Variants in ITGB8 observed in about 807,000 individuals in gnomAD.
ITGB8 encodes integrin beta-8.
Under a neutral mutation model 89.5 loss-of-function variants are expected in ITGB8, and 30 were observed. That is an observed-to-expected ratio of 0.34 (90% CI 0.25 to 0.45). The LOEUF is 0.45. Ranked by LOEUF, ITGB8 falls within the 20% of genes least tolerant of loss-of-function variation. The pLI is 1.00. For synonymous variants in ITGB8, 335 were observed against 320.4 expected (o/e 1.05, Z -0.49); for missense variants, 836 against 933.3 (o/e 0.90, Z 1.36).
intron 1 of ITGB8, among the ~76,000 whole-genome samples, chr7:20,355,649 T>G (rs1785268025): frequency 6.6e-6 from 1 of 152,164 alleles, no homozygotes; most frequent in East Asian, 1.9e-4. Context: ...GAGAAAATAG[T>G]TTGCCCCATA....
chr7:20,382,758 A>G (rs1466342409), intron 6 of ITGB8, among the ~76,000 whole-genome samples: 18 of 152,156 alleles, frequency 1.2e-4, no homozygotes, highest in Admixed American at 1.0e-3. Context: ...AAATAATACA[A>G]ATGTATCAAG....
intron 1 of ITGB8, among the ~76,000 whole-genome samples, chr7:20,343,120 A>T (rs888591784): frequency 2.0e-5 from 3 of 152,206 alleles, no homozygotes; most frequent in Non-Finnish European, 4.4e-5. Context: ...AGGAAAAGCT[A>T]AGTAGGAAAC....
intron 6 of ITGB8, among the ~76,000 whole-genome samples, chr7:20,385,021 T>C (rs1188470109): frequency 1.3e-5 from 2 of 152,216 alleles, no homozygotes; most frequent in Non-Finnish European, 2.9e-5. Flanking sequence ...TGGCAGATGT[T>C]AATACAAAAA....
chr7:20,375,020 T>A (rs1471991117), intron 3 of ITGB8, among the ~76,000 whole-genome samples: 1 of 152,170 alleles, frequency 6.6e-6, no homozygotes, highest in Non-Finnish European at 1.5e-5. Flanking sequence ...ATCCCAGTAT[T>A]CTGGCATGCT....
intron 9 of ITGB8, 94 bp downstream of exon 9, chr7:20,399,088 T>C: frequency 8.1e-7 from 1 of 1,238,238 alleles, no homozygotes; most frequent in Non-Finnish European, 1.1e-6. Context: ...AAATTTTACT[T>C]ACTACTGACT....
At chr7:20,404,493 T>G (rs778598584) in intron 10 of ITGB8, 135 bp from the exon 11 acceptor site, 1 of 732,656 alleles carries the variant, frequency 1.4e-6, no homozygotes, top group Non-Finnish European at 2.4e-6. Context: ...GTCAGACCAA[T>G]GAAAAAGTGA....
chr7:20,386,061 A>T lies in ITGB8; in HGVS notation c.960+4176A>T, dbSNP rs901009071. On this transcript the variant is annotated intron_variant, in intron 6 of 13. Coordinates refer to ENST00000222573, the MANE Select transcript of ITGB8 (RefSeq NM_002214.3). ...TCAGGTTTGTCTCAGATGCATACTAATAAAAATGCAAATTCATGGAACACT... is the reference window on the plus strand; with the variant it reads ...TCAGGTTTGTCTCAGATGCATACTATTAAAAATGCAAATTCATGGAACACT... 6.6e-5 allele frequency among the ~76,000 whole-genome samples: 10 copies of T among 152,344 alleles called. No homozygotes were observed. In the East Asian group the frequency reaches 1.9e-3, roughly 29 times the overall value.
intron 1 of ITGB8, chr7:20,352,370 A>G (rs1785142033): frequency 6.6e-6 from 1 of 152,166 alleles, no homozygotes; most frequent in African/African-American, 2.4e-5. Context: ...TGCAAAACTG[A>G]ATTTATTCCT....
intron 1 of ITGB8, among the ~76,000 whole-genome samples, chr7:20,358,654 C>T (rs190636661): frequency 1.4e-4 from 21 of 152,226 alleles, no homozygotes; most frequent in South Asian, 4.1e-4. Flanking sequence ...CCACCCACCT[C>T]GGCCTCCCAA....
At position 20,410,501 on chromosome 7, in the gene ITGB8, T is replaced by G. The variant is rs2127989388; in HGVS notation, c.*504T>G. On this transcript the variant is annotated 3_prime_UTR_variant, in exon 14 of 14. Transcript: ENST00000222573. ...AAGAACAGCTAGATGAATAAATGAT[T>G]CGTGTTTCACTCTTTCAAGAGGTGA... is the stretch of plus-strand genomic sequence containing the variant. The G allele has an allele frequency of 6.5e-6, 1 of 153,630 alleles. No homozygotes were observed. The highest frequency in any genetic ancestry group is 2.4e-5 in the African/African-American group (1 of 41,588). 9.5% of individuals were successfully genotyped at this position (153,630 alleles called of 1,614,324 possible).
intron 6 of ITGB8, among the ~76,000 whole-genome samples, chr7:20,384,247 C>G (rs1308923153): frequency 1.3e-5 from 2 of 152,130 alleles, no homozygotes; most frequent in African/African-American, 4.8e-5. Flanking sequence ...GGCTTTATCT[C>G]CAGCAGCCAA....
chr7:20,364,928 T>G (rs1219414563), intron 2 of ITGB8: 1 of 152,230 alleles, frequency 6.6e-6, no homozygotes, highest in Non-Finnish European at 1.5e-5. Flanking sequence ...AGGAAAATCC[T>G]TAGAGCCCTG....
intron 1 of ITGB8, among the ~76,000 whole-genome samples, chr7:20,355,148 C>T (rs1333350737): frequency 1.3e-5 from 2 of 152,160 alleles, no homozygotes; most frequent in Admixed American, 6.5e-5. Context: ...AACATCAACC[C>T]GCTCCAACCC....
intron 12 of ITGB8, among the ~76,000 whole-genome samples, chr7:20,408,734 G>C (rs1787647823): frequency 6.6e-6 from 1 of 152,138 alleles, no homozygotes; most frequent in Non-Finnish European, 1.5e-5. Context: ...TTAGGGTAAT[G>C]CCTCTGGCAA....
intron 3 of ITGB8, among the ~76,000 whole-genome samples, chr7:20,373,221 T>TAAATGACATTTAA (rs1303908819): frequency 6.6e-6 from 1 of 152,214 alleles, no homozygotes; most frequent in Admixed American, 6.5e-5. Flanking sequence ...TTGGATGTTT[T>TAAATGACATTTAA]AAATGACATT....
chr7:20,364,338 GAACA>G (rs1477873883), intron 2 of ITGB8, among the ~76,000 whole-genome samples: 2 of 152,216 alleles, frequency 1.3e-5, no homozygotes, highest in South Asian at 2.1e-4. Flanking sequence ...CTGGGAATTG[GAACA>G]AACAAACAGG....
chr7:20,371,519 A>G (rs1031553930), intron 3 of ITGB8, among the ~76,000 whole-genome samples: 10 of 152,196 alleles, frequency 6.6e-5, no homozygotes, highest in Non-Finnish European at 1.5e-4. Flanking sequence ...TAAACTGTTT[A>G]GGAATAAACT....
chr7:20,345,472 G>C (rs1583471514), intron 1 of ITGB8, among the ~76,000 whole-genome samples: 1 of 151,942 alleles, frequency 6.6e-6, no homozygotes, highest in South Asian at 2.1e-4. Context: ...AGCAGGGTTG[G>C]GGGAAGACAG....
At chr7:20,383,832 T>C (rs930549179) in intron 6 of ITGB8, among the ~76,000 whole-genome samples, 14 of 152,180 alleles carry the variant, frequency 9.2e-5, no homozygotes, top group Admixed American at 2.6e-4. Flanking sequence ...TTGTTCCCAG[T>C]ATTTAAAGGA....
Sources: gnomAD v4.1 joint callset for allele counts (sites outside exome capture counted in the v4.1 genomes callset) on GRCh38, gnomAD v4.1.1 for gene constraint, MANE v1.5 for transcripts, NCBI Gene and HGNC (gene_info 2026-07-23, HGNC 2026-07-21) for gene names.